Variants in REEP1 observed in about 807,000 individuals in gnomAD.
REEP1 encodes the protein receptor expression-enhancing protein 1.
A neutral mutation model predicts 40.3 loss-of-function variants in REEP1; 22 were observed. The observed-to-expected ratio is 0.55, with a 90% CI of 0.39 to 0.78. The LOEUF (loss-of-function observed/expected upper bound fraction) is 0.78. Among genes scored for constraint, REEP1 ranks in the 30% least tolerant of loss-of-function variants. REEP1 has a pLI of 0.00. For missense variants in REEP1, 280 were observed against 361.1 expected, an observed-to-expected ratio of 0.78 and a Z score of 1.82; for synonymous variants, 116 against 139.2, an observed-to-expected ratio of 0.83 and a Z score of 1.17.
chr2:86,300,579 C>T (rs557316655), intron 1 of REEP1, among the ~76,000 whole-genome samples: 11 of 152,094 alleles, frequency 7.2e-5, no homozygotes, highest in Non-Finnish European at 1.2e-4. Flanking sequence ...CAGAGAGAGT[C>T]GAGCAGATGT....
At chr2:86,307,653 C>T (rs558163320) in intron 1 of REEP1, among the ~76,000 whole-genome samples, 1 of 151,686 alleles carries the variant, frequency 6.6e-6, no homozygotes, top group Admixed American at 6.6e-5. Context: ...CCCAGCTTTG[C>T]AGGAGGTTGA....
At chr2:86,335,500 G>A (rs973140939) in intron 1 of REEP1, among the ~76,000 whole-genome samples, 37 of 152,100 alleles carry the variant, frequency 2.4e-4, no homozygotes, top group African/African-American at 8.9e-4. Context: ...GCACATCCCT[G>A]AGACACCTCC....
chr2:86,337,699 G>A, upstream of REEP1: 8 of 981,332 alleles, frequency 8.2e-6, no homozygotes, highest in Non-Finnish European at 9.7e-6. This position sits in a 1 kb window ranked among gnomAD's most constrained non-coding sequence, Gnocchi z 5.8. Flanking sequence ...CGGCGGCGGC[G>A]GCCCCAGCCC....
intron 1 of REEP1, among the ~76,000 whole-genome samples, chr2:86,320,839 A>T (rs1680244324): frequency 6.6e-6 from 1 of 152,248 alleles, no homozygotes; most frequent in African/African-American, 2.4e-5. Context: ...AGACTTTTTG[A>T]GAAAGTTTCA....
rs370896458 is a variant in REEP1, at chr2:86,322,506, A to T, written c.32+14973T>A. On this transcript the variant is annotated intron_variant, in intron 1 of 8. Transcript: ENST00000538924. Reference sequence around the variant, plus strand: ...AGCATCTTTCAACCTCAGCCTCCTGAGTAGCTGGGACCACAGCTACTCTTG... The same window carrying T: ...AGCATCTTTCAACCTCAGCCTCCTGTGTAGCTGGGACCACAGCTACTCTTG... Among the ~76,000 whole-genome samples the T allele has an allele frequency of 1.1e-4, 17 of 152,230 alleles. 1 individual carries two copies. Among genetic ancestry groups the T allele is most frequent in the African/African-American group, 3.9e-4 (16 of 41,548 alleles).
At chr2:86,297,181 C>T (rs1384680264) in intron 1 of REEP1, among the ~76,000 whole-genome samples, 3 of 152,186 alleles carry the variant, frequency 2.0e-5, no homozygotes, top group Admixed American at 6.5e-5. Flanking sequence ...GCACTTGTGA[C>T]GAGGGTGTGG....
intron 5 of REEP1, among the ~76,000 whole-genome samples, chr2:86,249,519 C>T (rs1051396020): frequency 1.3e-5 from 2 of 152,080 alleles, no homozygotes; most frequent in Non-Finnish European, 2.9e-5. Context: ...GTGACTTGTA[C>T]AGAGCTGGCT....
intron 1 of REEP1, among the ~76,000 whole-genome samples, chr2:86,290,547 C>A (rs1678640900): frequency 6.6e-6 from 1 of 152,206 alleles, no homozygotes; most frequent in African/African-American, 2.4e-5. Context: ...TGAGCATCAG[C>A]CTCCAAGCTC....
chr2:86,239,792 CAT>C (rs771640746), intron 5 of REEP1: 8 of 152,266 alleles, frequency 5.3e-5, no homozygotes, highest in African/African-American at 1.9e-4. Flanking sequence ...AAGTTAATCA[CAT>C]GTTAGATGCT....
rs770174731 is a variant in REEP1 at position 86,254,824 on chromosome 2, G to A, written c.183-10C>T. The A allele has an allele frequency of 1.2e-6, 2 of 1,613,656 alleles. No individual in the cohort carries two copies. Among genetic ancestry groups the A allele is most frequent in the Admixed American group, 3.3e-5 (2 of 60,006 alleles). The stretch of plus-strand genomic sequence containing the variant: ...ATAATAGAATGGAAACCTGGAGAGA[G>A]AGATGAAAACACAAGTTCTGTTAGG... On this transcript the variant is annotated splice_polypyrimidine_tract_variant and intron_variant, in intron 3 of 8. Transcript: ENST00000538924.
chr2:86,238,973 G>A (rs573009465), intron 5 of REEP1, among the ~76,000 whole-genome samples: 1 of 152,042 alleles, frequency 6.6e-6, no homozygotes, highest in Non-Finnish European at 1.5e-5. Context: ...GAAAGGCTAC[G>A]TGGTTTCTTC....
chr2:86,292,581 C>A (rs1477720306), intron 1 of REEP1, among the ~76,000 whole-genome samples: 3 of 152,170 alleles, frequency 2.0e-5, no homozygotes, highest in Non-Finnish European at 4.4e-5. Flanking sequence ...CCCCAGACCT[C>A]AGAGCCAGAG....
intron 1 of REEP1, among the ~76,000 whole-genome samples, chr2:86,316,127 C>T (rs1385691452): frequency 6.6e-6 from 1 of 152,200 alleles, no homozygotes; most frequent in Non-Finnish European, 1.5e-5. Context: ...GCTGCCAGAT[C>T]AAGCCTCACT....
chr2:86,221,764 T>C (rs1281189857), intron 7 of REEP1, among the ~76,000 whole-genome samples: 2 of 152,174 alleles, frequency 1.3e-5, no homozygotes, highest in Non-Finnish European at 2.9e-5. Context: ...AATAGAATCC[T>C]GAAGTCATCT....
At chr2:86,277,035 G>A (rs2161895) in intron 2 of REEP1, among the ~76,000 whole-genome samples, 1 of 152,140 alleles carries the variant, frequency 6.6e-6, no homozygotes, top group East Asian at 1.9e-4. Context: ...GATACAAAAT[G>A]GTTTCAATGA....
At chr2:86,327,098 A>G (rs1489617719) in intron 1 of REEP1, among the ~76,000 whole-genome samples, 1 of 152,162 alleles carries the variant, frequency 6.6e-6, no homozygotes. Context: ...GCAGTGTGAA[A>G]AACACTACCT....
At chr2:86,240,458 G>A (rs922537591) in intron 5 of REEP1, among the ~76,000 whole-genome samples, 3 of 152,242 alleles carry the variant, frequency 2.0e-5, no homozygotes, top group African/African-American at 4.8e-5. Context: ...CCCGAGTGAG[G>A]AGTGAGGTGA....
chr2:86,248,398 T>C (rs1264528187), intron 5 of REEP1, among the ~76,000 whole-genome samples: 1 of 152,192 alleles, frequency 6.6e-6, no homozygotes, highest in Non-Finnish European at 1.5e-5. Flanking sequence ...CCTGGTTTCC[T>C]TGGGACAGGC....
In REEP1 at chr2:86,337,489, T is replaced by C; in HGVS notation, c.22A>G (p.Arg8Gly). 1 of 1,300,960 alleles carries C rather than the reference T, an allele frequency of 7.7e-7. No homozygotes were observed. Among genetic ancestry groups the C allele is most frequent in the Non-Finnish European group, 9.8e-7 (1 of 1,016,682 alleles). The allele number at this position is 1,300,960 out of a possible 1,614,324, so 80.6% of individuals were successfully genotyped here. MVSWIIS[R>G]LVVLIFGTLY... ...GAGAAGGCCACTTACACCACCAGCC[T>C]GGAGATGATCCATGACACCATGGCG... The change falls in exon 1 of 9, where the codon AGG becomes GGG. Residue 8 changes from arginine (R) to glycine (G), a missense_variant. Physicochemically the swap from Arg to Gly is moderately radical, Grantham distance 125. This residue lies in a region of REEP1 where 68 missense variants were observed against 83.7 expected (regional missense o/e 0.81). Coordinates refer to ENST00000538924, the MANE Select transcript of REEP1 (RefSeq NM_001371279.1). The surrounding 1 kb of genome is among the most constrained non-coding windows in gnomAD (Gnocchi z 5.8).
Sources: allele counts gnomAD v4.1 joint callset (sites outside exome capture counted in the v4.1 genomes callset), GRCh38; gene constraint gnomAD v4.1.1; regional missense constraint gnomAD v4.1.1; non-coding constraint Gnocchi (gnomAD v3.1); transcripts MANE v1.5; gene names NCBI Gene and HGNC (gene_info 2026-07-23, HGNC 2026-07-21).